GPR26: variants seen among roughly 807,000 people sequenced by gnomAD.
The protein encoded by GPR26 is G protein-coupled receptor 26.
In GPR26, 15 loss-of-function variants were observed where a neutral mutation model predicts 23.1. The observed-to-expected ratio is 0.65, with a 90% CI of 0.43 to 1.00. GPR26 has a LOEUF of 1.00. Ranked by LOEUF, GPR26 falls within the 50% of genes least tolerant of loss-of-function variation. The probability of loss-of-function intolerance (pLI) is 0.00; values close to 1 mark genes in which losing one functional copy is unlikely to be tolerated. For synonymous variants in GPR26, 228 were observed against 222.1 expected (o/e 1.03, Z -0.24); for missense variants, 359 against 470.5 (o/e 0.76, Z 2.19).
chr10:123,681,852 C>A (rs956908311), intron 2 of GPR26, among the ~76,000 whole-genome samples: 2 of 152,174 alleles, frequency 1.3e-5, no homozygotes, highest in African/African-American at 4.8e-5. Flanking sequence ...TGCCAAGCAC[C>A]TGGGGCTATC....
At chr10:123,667,561 CTGTGTGTGTGTGTGTGTG>C (rs71026066) in intron 1 of GPR26, among the ~76,000 whole-genome samples, 3 of 124,998 alleles carry the variant, frequency 2.4e-5, no homozygotes, top group Non-Finnish European at 5.0e-5. Flanking sequence ...TGTCTCACGA[CTGTGTGTGTGTGTGTGTG>C]TGTGTGTGTG....
In GPR26 at chr10:123,666,589, C is replaced by G; in HGVS notation, c.182C>G (p.Pro61Arg). The change falls in exon 1 of 3, where the codon CCG becomes CGG. Residue 61 changes from proline to arginine, a missense_variant. Pro to Arg is a moderately radical substitution (Grantham distance 103). Coordinates refer to ENST00000284674, the MANE Select transcript of GPR26 (RefSeq NM_153442.4). The part of the protein sequence containing the change: ...GNLLCTVVNM[P>R]LTLAGVVAQR... The stretch of plus-strand genomic sequence containing the variant: ...CTGCTGTGCACCGTGGTCAACATGC[C>G]GCTCACGCTGGCCGGCGTCGTGGCG... The G allele has an allele frequency of 3.8e-6, 6 of 1,595,620 alleles. No individual in the cohort carries two copies. Among genetic ancestry groups the G allele is most frequent in the South Asian group, 1.1e-5 (1 of 89,218 alleles).
chr10:123,672,016 G>C (rs1017640405), intron 1 of GPR26, among the ~76,000 whole-genome samples: 7 of 152,162 alleles, frequency 4.6e-5, no homozygotes, highest in African/African-American at 1.7e-4. Flanking sequence ...CAAGAGGGCC[G>C]TGATGTTTCC....
chr10:123,678,151 A>G (rs1292909579), intron 2 of GPR26, among the ~76,000 whole-genome samples: 1 of 152,234 alleles, frequency 6.6e-6, no homozygotes, highest in Non-Finnish European at 1.5e-5. Flanking sequence ...GTTAAATAAA[A>G]TATGTAATTA....
At chr10:123,678,636 C>G (rs761789150) in intron 2 of GPR26, among the ~76,000 whole-genome samples, 2 of 152,218 alleles carry the variant, frequency 1.3e-5, no homozygotes, top group Non-Finnish European at 2.9e-5. Flanking sequence ...CCCCACATGG[C>G]TTCCACAATG....
chr10:123,667,169 C>G (rs1344835371), intron 1 of GPR26, 94 bp downstream of exon 1: 4 of 957,200 alleles, frequency 4.2e-6, no homozygotes, highest in Non-Finnish European at 6.0e-6. Context: ...TTCCACCGAG[C>G]CTCTGTTTCT....
intron 2 of GPR26, among the ~76,000 whole-genome samples, chr10:123,685,325 G>A (rs1016320087): frequency 3.3e-5 from 5 of 152,228 alleles, no homozygotes; most frequent in African/African-American, 1.2e-4. Flanking sequence ...GAAAGAAGTC[G>A]TTGTGGCAAT....
chr10:123,685,337 T>A (rs1259249652), intron 2 of GPR26, among the ~76,000 whole-genome samples: 1 of 152,172 alleles, frequency 6.6e-6, no homozygotes, highest in East Asian at 1.9e-4. Flanking sequence ...TGTGGCAATA[T>A]CGAAACCCTT....
rs1044606942 is a variant in GPR26 at position 123,674,558 on chromosome 10, G to A, written c.669-260G>A. The stretch of plus-strand genomic sequence containing the variant: ...CATTTAATTCTCAAAACAGCCTCTT[G>A]TAGCATTTTATTACATTATGTGTAA... On this transcript the variant is annotated intron_variant, in intron 1 of 2. Transcript: ENST00000284674. The surrounding 1 kb of genome is among the most constrained non-coding windows in gnomAD (Gnocchi z 4.1). Among the ~76,000 whole-genome samples, 3 of 152,182 alleles carry A rather than the reference G, an allele frequency of 2.0e-5. No individual in the cohort carries two copies. The highest frequency in any genetic ancestry group is 7.2e-5 in the African/African-American group (3 of 41,440).
chr10:123,685,893 G>T (rs1845426956), intron 2 of GPR26, among the ~76,000 whole-genome samples: 1 of 152,192 alleles, frequency 6.6e-6, no homozygotes, highest in Non-Finnish European at 1.5e-5. Context: ...TCATTCTGCT[G>T]GATAATTGTA....
Position 123,674,712 on chromosome 10 carries a change from G to C in GPR26, c.669-106G>C. On this transcript the variant is annotated intron_variant, in intron 1 of 2. Coordinates refer to ENST00000284674, the MANE Select transcript of GPR26 (RefSeq NM_153442.4). The surrounding 1 kb of genome is among the most constrained non-coding windows in gnomAD (Gnocchi z 4.1). ...GACGCTGGGTCTTTCCGACTCCATA[G>C]TCAAGTTCTCACACTAGAGACTGCT... 1.4e-6 allele frequency: 1 copy of C among 708,818 alleles called. No homozygotes were observed. The allele number at this position is 708,818 out of a possible 1,614,324, so 43.9% of individuals were successfully genotyped here.
In GPR26 at chr10:123,691,934, T is replaced by G. The variant is rs1214136560; in HGVS notation, c.*3774T>G. On this transcript the variant is annotated 3_prime_UTR_variant, in exon 3 of 3. Transcript: ENST00000284674. ...AATGATCTTAGACACTTGGATAAAC[T>G]CTATAGAAAATTGAGTGTTTCTATT... 1 of 152,192 alleles carries G rather than the reference T, an allele frequency of 6.6e-6. No individual in the cohort carries two copies. Among genetic ancestry groups the G allele is most frequent in the Non-Finnish European group, 1.5e-5 (1 of 68,034 alleles). The allele number at this position is 152,192 out of a possible 1,614,324, so 9.4% of individuals were successfully genotyped here. A position where few individuals can be genotyped will look rare whatever the true frequency, so the allele number is the denominator to read the frequency against.
intron 1 of GPR26, among the ~76,000 whole-genome samples, chr10:123,672,719 A>G (rs890420244): frequency 2.0e-5 from 3 of 152,156 alleles, no homozygotes; most frequent in African/African-American, 7.2e-5. Context: ...ACCTAGAGTG[A>G]CGAACCGTCC....
chr10:123,685,604 A>C (rs34482719), intron 2 of GPR26, among the ~76,000 whole-genome samples: 9,823 of 152,310 alleles, frequency 0.064, 339 homozygotes, highest in Middle Eastern at 0.1. Flanking sequence ...TTGGCTTTTC[A>C]AAGCAGAAAT....
At chr10:123,678,831 G>A (rs1438911457) in intron 2 of GPR26, among the ~76,000 whole-genome samples, 2 of 152,160 alleles carry the variant, frequency 1.3e-5, no homozygotes, top group East Asian at 3.9e-4. Flanking sequence ...GGCTGGGCAG[G>A]GTGTGGAGGG....
intron 2 of GPR26, among the ~76,000 whole-genome samples, chr10:123,682,476 G>A (rs1564732508): frequency 6.6e-6 from 1 of 152,180 alleles, no homozygotes; most frequent in Non-Finnish European, 1.5e-5. Context: ...CAGTCACACA[G>A]GCTCTGTGTC....
rs1034203839 is a variant in GPR26 at position 123,695,542 on chromosome 10, T to C, written c.*7382T>C. Among the ~76,000 whole-genome samples the C allele has an allele frequency of 6.6e-6, 1 of 152,164 alleles. No individual in the cohort carries two copies. Among genetic ancestry groups the C allele is most frequent in the Non-Finnish European group, 1.5e-5 (1 of 68,018 alleles). The stretch of plus-strand genomic sequence containing the variant: ...TCTTATCCCGGACAATCCTCAGGGA[T>C]TGGGTTTGATGTCGGGGGAGCATTG... On this transcript the variant is annotated 3_prime_UTR_variant, in exon 3 of 3. Transcript: ENST00000284674.
At position 123,694,585 on chromosome 10, in the gene GPR26, A is replaced by T. The variant is rs1275373129; in HGVS notation, c.*6425A>T. 4 of 151,664 alleles carry T rather than the reference A, an allele frequency of 2.6e-5. No homozygotes were observed. Among genetic ancestry groups the T allele is most frequent in the African/African-American group, 9.7e-5 (4 of 41,238 alleles). The allele number at this position is 151,664 out of a possible 1,614,324, so 9.4% of individuals were successfully genotyped here. A position where few individuals can be genotyped will look rare whatever the true frequency, so the allele number is the denominator to read the frequency against. On this transcript the variant is annotated 3_prime_UTR_variant, in exon 3 of 3. Transcript: ENST00000284674. The stretch of plus-strand genomic sequence containing the variant: ...GAAAAGAAGGAAGAGAGAAGGAAGA[A>T]TGGCAAAGGAAGGAAGAAGGAGAGA...
chr10:123,673,980 A>C (rs946715001), intron 1 of GPR26, among the ~76,000 whole-genome samples: 6 of 151,028 alleles, frequency 4.0e-5, no homozygotes, highest in Admixed American at 3.3e-4. Flanking sequence ...TTGTTGAGAC[A>C]AAGTTTCGCT....
Sources: gnomAD v4.1 joint callset for allele counts (sites outside exome capture counted in the v4.1 genomes callset) on GRCh38, gnomAD v4.1.1 for gene constraint, Gnocchi (gnomAD v3.1) non-coding constraint, MANE v1.5 for transcripts, NCBI Gene and HGNC (gene_info 2026-07-23, HGNC 2026-07-21) for gene names.